COQ8B: variants seen among roughly 807,000 people sequenced by gnomAD.
The protein encoded by COQ8B is atypical kinase COQ8B, mitochondrial.
COQ8B carries 44 observed loss-of-function variants against 62.0 expected under a neutral mutation model. The ratio of observed to expected loss-of-function variants is 0.71; its 90% CI spans 0.56 to 0.91. COQ8B has a LOEUF of 0.91. Among genes scored for constraint, COQ8B ranks in the 40% least tolerant of loss-of-function variants. COQ8B has a pLI of 0.00. For synonymous variants in COQ8B, 252 were observed against 289.9 expected, an observed-to-expected ratio of 0.87 and a Z score of 1.33; for missense variants, 649 against 731.6, an observed-to-expected ratio of 0.89 and a Z score of 1.30.
At position 40,714,553 on chromosome 19, in the gene COQ8B, AGGG is replaced by A. The variant is rs769976193; in HGVS notation, c.77_79del (p.Ala26_Leu27delinsVal). 4 of 1,612,992 alleles carry A rather than the reference AGGG, an allele frequency of 2.5e-6. No individual in the cohort carries two copies. The African/African-American group carries it at 5.3e-5, about 22-fold the overall frequency. Reference sequence around the variant, plus strand: ...TACCCAGCGGTGGGGCCCAGGCCCCAGGGCCCCACAAGGCCAACCAACAGTCTG... The same window carrying A: ...TACCCAGCGGTGGGGCCCAGGCCCCACCCCACAAGGCCAACCAACAGTCTG... On this transcript the variant is annotated inframe_deletion, in exon 2 of 15. Transcript: ENST00000324464.
chr19:40,707,217 C>T (rs931859464), intron 5 of COQ8B, among the ~76,000 whole-genome samples: 1 of 151,388 alleles, frequency 6.6e-6, no homozygotes, highest in Non-Finnish European at 1.5e-5. Context: ...TACAGTGAGC[C>T]GTGATCCCGC....
At chr19:40,695,872 A>G (rs1454300560) in intron 13 of COQ8B, 117 bp downstream of exon 13, 1 of 1,044,778 alleles carries the variant, frequency 9.6e-7, no homozygotes, top group South Asian at 1.3e-5. Flanking sequence ...TACGAGTATT[A>G]CTATTATTTA....
chr19:40,715,039 C>T, intron 1 of COQ8B: 3 of 996,466 alleles, frequency 3.0e-6, no homozygotes, highest in Non-Finnish European at 3.6e-6. Context: ...GCACCTCCCC[C>T]CGTTGCTAAG....
intron 2 of COQ8B, 30 bp downstream of exon 2, chr19:40,714,501 C>T: frequency 6.2e-7 from 1 of 1,613,860 alleles, no homozygotes; most frequent in African/African-American, 1.3e-5. Flanking sequence ...CAGCCTCTTC[C>T]CCTTGGGGAC....
chr19:40,703,446 C>T, intron 9 of COQ8B, 95 bp downstream of exon 9: 1 of 1,296,206 alleles, frequency 7.7e-7, no homozygotes, highest in Non-Finnish European at 1.0e-6. Flanking sequence ...GCCAGCACAC[C>T]CTGCCCGTGC....
intron 7 of COQ8B, 32 bp from the exon 8 acceptor site, chr19:40,703,887 TG>T: frequency 6.3e-7 from 1 of 1,584,790 alleles, no homozygotes; most frequent in Non-Finnish European, 8.6e-7. Flanking sequence ...ATCATCATTG[TG>T]GCAGAGTTCA....
At position 40,710,287 on chromosome 19, in the gene COQ8B, C is replaced by T. The variant is rs537610666; in HGVS notation, c.290-151G>A. The T allele has an allele frequency of 2.7e-5, 19 of 715,726 alleles. No homozygotes were observed. The African/African-American group carries it at 3.4e-4, about 13-fold the overall frequency. The allele number at this position is 715,726 out of a possible 1,614,324, so 44.3% of individuals were successfully genotyped here. A position where few individuals can be genotyped will look rare whatever the true frequency, so the allele number is the denominator to read the frequency against. On this transcript the variant is annotated intron_variant, in intron 4 of 14. Transcript: ENST00000324464. The stretch of plus-strand genomic sequence containing the variant: ...TGAGATGGAGTCTCGCTCTGTTGCC[C>T]AGGCTGGAGTGTGGTGGCACAATCT...
At position 40,714,147 on chromosome 19, in the gene COQ8B, A is replaced by G; in HGVS notation, c.223-14T>C. 1.2e-6 allele frequency: 2 copies of G among 1,614,086 alleles called. No individual in the cohort carries two copies. Among genetic ancestry groups the G allele is most frequent in the Non-Finnish European group, 1.7e-6 (2 of 1,180,008 alleles). ...GCGGTCACTCAGCTGGGAAATGGGG[A>G]CAAGGTCTGAGGGTGGGAAAGTGGG... is the stretch of plus-strand genomic sequence containing the variant. On this transcript the variant is annotated splice_polypyrimidine_tract_variant and intron_variant, in intron 3 of 14. Transcript: ENST00000324464.
chr19:40,702,986 G>C (rs999090491), intron 9 of COQ8B, among the ~76,000 whole-genome samples: 1 of 150,726 alleles, frequency 6.6e-6, no homozygotes, highest in African/African-American at 2.5e-5. Context: ...AGCACCACAG[G>C]GTTCCCCGGG....
At chr19:40,713,669 C>T (rs1273953326) in intron 4 of COQ8B, among the ~76,000 whole-genome samples, 3 of 145,216 alleles carry the variant, frequency 2.1e-5, no homozygotes, top group Admixed American at 6.8e-5. Context: ...TGAGCCAAGA[C>T]GGTGCCACTG....
intron 12 of COQ8B, 137 bp from the exon 13 acceptor site, chr19:40,696,191 G>A: frequency 2.2e-6 from 2 of 920,380 alleles, no homozygotes; most frequent in South Asian, 2.8e-5. Flanking sequence ...GCCTCACTGG[G>A]CTCCTGGCCT....
intron 10 of COQ8B, 21 bp from the exon 11 acceptor site, chr19:40,700,472 G>A (rs1310871704): frequency 6.2e-7 from 1 of 1,609,344 alleles, no homozygotes; most frequent in Non-Finnish European, 8.5e-7. Context: ...AGGAAAGGGA[G>A]GAAGGGGACT....
At position 40,691,777 on chromosome 19, in the gene COQ8B, T is replaced by C. The variant is rs2081973900; in HGVS notation, c.*258A>G. The C allele has an allele frequency of 1.0e-5, 4 of 383,694 alleles. No homozygotes were observed. Among genetic ancestry groups the C allele is most frequent in the Non-Finnish European group, 1.9e-5 (4 of 213,732 alleles). 23.8% of individuals were successfully genotyped at this position (383,694 alleles called of 1,614,324 possible). Reference sequence around the variant, plus strand: ...TGCAGCGGCCCAAGGCTCCCTCAAATGTTGGCAAAGATAAGTTAACCGCTT... The same window carrying C: ...TGCAGCGGCCCAAGGCTCCCTCAAACGTTGGCAAAGATAAGTTAACCGCTT... On this transcript the variant is annotated 3_prime_UTR_variant, in exon 15 of 15. Coordinates refer to ENST00000324464, the MANE Select transcript of COQ8B (RefSeq NM_024876.4).
At chr19:40,704,113 A>C in intron 7 of COQ8B, 1 of 356,058 alleles carries the variant, frequency 2.8e-6, no homozygotes, top group Non-Finnish European at 5.1e-6. Context: ...TGTTGTGGGG[A>C]TTGCTATTAT....
At chr19:40,714,745 C>T in intron 1 of COQ8B, 110 bp from the exon 2 acceptor site, 1 of 1,311,452 alleles carries the variant, frequency 7.6e-7, no homozygotes, top group Non-Finnish European at 1.0e-6. Flanking sequence ...TAAATACTTC[C>T]TCCACTATTA....
rs1478403550 is a variant in COQ8B at position 40,714,528 on chromosome 19, T to C, written c.102+3A>G. The stretch of plus-strand genomic sequence containing the variant: ...CTTGGGGACCTGCTCCCTAGCCTCT[T>C]ACCCAGCGGTGGGGCCCAGGCCCCA... On this transcript the variant is annotated splice_donor_region_variant and intron_variant, in intron 2 of 14. Transcript: ENST00000324464. 2 of 1,613,644 alleles carry C rather than the reference T, an allele frequency of 1.2e-6. No homozygotes were observed. The highest frequency in any genetic ancestry group is 1.7e-6 in the Non-Finnish European group (2 of 1,179,842).
chr19:40,715,750 T>A, intron 1 of COQ8B: 2 of 369,548 alleles, frequency 5.4e-6, no homozygotes, highest in Non-Finnish European at 7.5e-6. Flanking sequence ...CCTGTAGGCC[T>A]GACATTTCCC....
At chr19:40,693,181 C>T (rs1390567370) in intron 13 of COQ8B, 144 bp from the exon 14 acceptor site, 1 of 650,302 alleles carries the variant, frequency 1.5e-6, no homozygotes, top group African/African-American at 1.8e-5. Flanking sequence ...GCTTCCTGCT[C>T]CCAACTTTGC....
rs538278423 is a variant in COQ8B, at chr19:40,713,179, T to C, written c.289+888A>G. On this transcript the variant is annotated intron_variant, in intron 4 of 14. Coordinates refer to ENST00000324464, the MANE Select transcript of COQ8B (RefSeq NM_024876.4). ...GAGTTCAAGACCAGCCTGGCCAACA[T>C]GGTGAAATTCTGTCTCTACTAAAAG... Among the ~76,000 whole-genome samples the C allele has an allele frequency of 1.2e-4, 18 of 152,212 alleles. No homozygotes were observed. In the South Asian group the frequency reaches 3.5e-3, roughly 30 times the overall value.
Sources: allele counts gnomAD v4.1 joint callset (sites outside exome capture counted in the v4.1 genomes callset), GRCh38; gene constraint gnomAD v4.1.1; transcripts MANE v1.5; gene names NCBI Gene and HGNC (gene_info 2026-07-23, HGNC 2026-07-21).